ANKS1B: variants seen among roughly 807,000 people sequenced by gnomAD.
The protein encoded by ANKS1B is ankyrin repeat and sterile alpha motif domain containing 1B.
Under a neutral mutation model 148.3 loss-of-function variants are expected in ANKS1B, and 36 were observed. The ratio of observed to expected loss-of-function variants is 0.24; its 90% confidence interval spans 0.19 to 0.32. The LOEUF is 0.32. Ranked by LOEUF, ANKS1B falls within the 10% of genes least tolerant of loss-of-function variation. The pLI, the probability that ANKS1B is intolerant of heterozygous loss-of-function variation, is 1.00. For synonymous variants in ANKS1B, 542 were observed against 560.8 expected (o/e 0.97, Z 0.47); for missense variants, 1,157 against 1,542.6 (o/e 0.75, Z 4.19).
At chr12:98,968,397 T>G (rs750514864) in intron 17 of ANKS1B, among the ~76,000 whole-genome samples, 3 of 152,062 alleles carry the variant, frequency 2.0e-5, no homozygotes, top group Non-Finnish European at 4.4e-5. Context: ...TAACAAGCTC[T>G]CCAGTGATTC....
At chr12:99,867,443 T>G (rs903476502) in intron 1 of ANKS1B, among the ~76,000 whole-genome samples, 3 of 152,170 alleles carry the variant, frequency 2.0e-5, no homozygotes, top group African/African-American at 7.2e-5. Flanking sequence ...AAAAGAGGTT[T>G]AACGGACTCA....
intron 4 of ANKS1B, 83 bp from the exon 5 acceptor site, chr12:99,782,180 A>G: frequency 9.7e-7 from 1 of 1,026,660 alleles, no homozygotes; most frequent in Admixed American, 2.3e-5. Flanking sequence ...CACATTTTAC[A>G]TATTCATACA....
intron 1 of ANKS1B, among the ~76,000 whole-genome samples, chr12:99,870,758 T>C (rs1249863428): frequency 6.6e-6 from 1 of 152,226 alleles, no homozygotes; most frequent in African/African-American, 2.4e-5. Context: ...GCTCACTTTT[T>C]AGAAGGGATA....
At chr12:99,135,925 C>T (rs1014261975) in intron 15 of ANKS1B, among the ~76,000 whole-genome samples, 13 of 152,002 alleles carry the variant, frequency 8.6e-5, no homozygotes, top group African/African-American at 3.1e-4. Flanking sequence ...GTGGCAGTCT[C>T]AGAGAACAGC....
intron 2 of ANKS1B, among the ~76,000 whole-genome samples, chr12:99,821,773 G>A (rs554225539): frequency 6.6e-6 from 1 of 152,114 alleles, no homozygotes; most frequent in African/African-American, 2.4e-5. Flanking sequence ...ATAGTAGCCT[G>A]AATCCATAAT....
intron 10 of ANKS1B, among the ~76,000 whole-genome samples, chr12:99,465,289 G>A (rs2096078902): frequency 2.0e-5 from 3 of 152,020 alleles, no homozygotes; most frequent in East Asian, 1.9e-4. Context: ...GCTCCTGAAG[G>A]AAGCACTAAA....
intron 17 of ANKS1B, among the ~76,000 whole-genome samples, chr12:98,893,184 T>A (rs1439541671): frequency 6.6e-6 from 1 of 152,142 alleles, no homozygotes; most frequent in African/African-American, 2.4e-5. Flanking sequence ...TCTATCTGAG[T>A]CCAAGAGAAT....
chr12:99,025,797 A>C (rs2099948397), intron 17 of ANKS1B, among the ~76,000 whole-genome samples: 1 of 152,216 alleles, frequency 6.6e-6, no homozygotes, highest in African/African-American at 2.4e-5. Context: ...CCAGGACTGA[A>C]GGAAGTCAAA....
At chr12:99,114,268 A>G (rs2153706692) in intron 15 of ANKS1B, among the ~76,000 whole-genome samples, 1 of 152,328 alleles carries the variant, frequency 6.6e-6, no homozygotes, top group Admixed American at 6.5e-5. Context: ...AAACTCTTTA[A>G]ATTAACAACT....
chr12:99,265,282 C>A (rs2076335646), intron 12 of ANKS1B, among the ~76,000 whole-genome samples: 1 of 152,060 alleles, frequency 6.6e-6, no homozygotes, highest in African/African-American at 2.4e-5. Flanking sequence ...GGGGTGGGCC[C>A]CAGAAACCTA....
chr12:98,745,932 G>A, intron 26 of ANKS1B, 83 bp from the exon 27 acceptor site: 1 of 1,456,842 alleles, frequency 6.9e-7, no homozygotes, highest in Non-Finnish European at 9.2e-7. Context: ...GCGAACCCAC[G>A]CGAGGCCCCT....
chr12:99,214,138 C>G (rs1310360029), intron 14 of ANKS1B, among the ~76,000 whole-genome samples: 1 of 151,732 alleles, frequency 6.6e-6, no homozygotes, highest in African/African-American at 2.4e-5. Context: ...AAAAATCTGT[C>G]TAAATAATAT....
intron 12 of ANKS1B, among the ~76,000 whole-genome samples, chr12:99,330,948 AGT>A (rs2087413903): frequency 6.6e-6 from 1 of 152,006 alleles, no homozygotes; most frequent in African/African-American, 2.4e-5. Context: ...GAAACATGAA[AGT>A]GTGTGACCAA....
At chr12:99,376,088 T>A (rs73151129) in intron 12 of ANKS1B, among the ~76,000 whole-genome samples, 16,279 of 152,272 alleles carry the variant, frequency 0.11, 880 homozygotes, top group Non-Finnish European at 0.12. Context: ...AACCATTCGC[T>A]GTTCAAAAAT....
chr12:99,417,306 T>C lies in ANKS1B; in HGVS notation c.1576-17495A>G, dbSNP rs1038245096. On this transcript the variant is annotated intron_variant, in intron 11 of 26. Coordinates refer to ENST00000683438, the MANE Select transcript of ANKS1B (RefSeq NM_001352186.2). ...CCAACTGCTCCAGCACCAGGCTATC[T>C]TCCCTCCACTGAACTGCTTTTGTAC... is the stretch of plus-strand genomic sequence containing the variant. Among the ~76,000 whole-genome samples the C allele has an allele frequency of 3.3e-5, 5 of 152,350 alleles. No homozygotes were observed. The South Asian group carries it at 1.0e-3, about 32-fold the overall frequency.
rs546054115 is a variant in ANKS1B at position 99,069,640 on chromosome 12, TA to T, written c.2625+15284del. ...CTTCATGAATTCATGGAACAACAAG[TA>T]AAGCTAAAATGTATTTCCTCTTGAA... On this transcript the variant is annotated intron_variant, in intron 16 of 26. Coordinates refer to ENST00000683438, the MANE Select transcript of ANKS1B (RefSeq NM_001352186.2). 1.4e-4 allele frequency among the ~76,000 whole-genome samples: 21 copies of T among 152,326 alleles called. No homozygotes were observed. In the South Asian group the frequency reaches 4.1e-3, roughly 30 times the overall value.
At chr12:98,894,974 G>A (rs1306227895) in intron 17 of ANKS1B, 5 of 823,456 alleles carry the variant, frequency 6.1e-6, no homozygotes, top group Non-Finnish European at 5.8e-6. Flanking sequence ...CACGCGGCGC[G>A]CGCCTGCCCT....
At chr12:99,681,014 G>C (rs10160971) in intron 8 of ANKS1B, among the ~76,000 whole-genome samples, 1,525 of 152,140 alleles carry the variant, frequency 0.01, 30 homozygotes, top group African/African-American at 0.034. Flanking sequence ...GAGAGTCTGA[G>C]CTCAGACACA....
At chr12:99,327,225 TATA>T (rs1376367032) in intron 12 of ANKS1B, among the ~76,000 whole-genome samples, 1 of 118,454 alleles carries the variant, frequency 8.4e-6, no homozygotes, top group African/African-American at 3.4e-5. Context: ...TAATATAATT[TATA>T]ATTATAATAA....
Sources: gnomAD v4.1 joint callset for allele counts (sites outside exome capture counted in the v4.1 genomes callset) on GRCh38, gnomAD v4.1.1 for gene constraint, MANE v1.5 for transcripts, NCBI Gene and HGNC (gene_info 2026-07-23, HGNC 2026-07-21) for gene names.